SLC14A2: variants seen among roughly 807,000 people sequenced by gnomAD.
SLC14A2 encodes the protein solute carrier family 14 member 2, also known as urea transporter 2.
In SLC14A2, 91 loss-of-function variants were observed where a neutral mutation model predicts 104.6. That is an observed-to-expected ratio of 0.87 (90% CI 0.73 to 1.04). SLC14A2 has a LOEUF of 1.04. Among genes scored for constraint, SLC14A2 ranks in the 50% least tolerant of loss-of-function variants. SLC14A2 has a pLI of 0.00. For missense variants in SLC14A2, 1,189 were observed against 1,156.0 expected (o/e 1.03, Z -0.41); for synonymous variants, 476 against 466.4 (o/e 1.02, Z -0.27).
chr18:45,221,489 A>G (rs1326763340), intron 1 of SLC14A2, among the ~76,000 whole-genome samples: 1 of 152,212 alleles, frequency 6.6e-6, no homozygotes, highest in Non-Finnish European at 1.5e-5. Context: ...TCACTACCAG[A>G]TCAGTCACTG....
At chr18:45,675,671 T>C (rs188625151) in intron 18 of SLC14A2, among the ~76,000 whole-genome samples, 1 of 142,712 alleles carries the variant, frequency 7.0e-6, no homozygotes, top group African/African-American at 2.7e-5. Context: ...TGCACCACCA[T>C]GCCCAGCTAA....
intron 2 of SLC14A2, among the ~76,000 whole-genome samples, chr18:45,606,449 A>G (rs2044869534): frequency 6.6e-6 from 1 of 152,054 alleles, no homozygotes; most frequent in Non-Finnish European, 1.5e-5. Flanking sequence ...ACTCCGCAAA[A>G]CTGATCTACC....
intron 1 of SLC14A2, among the ~76,000 whole-genome samples, chr18:45,400,826 A>G (rs543245037): frequency 6.6e-6 from 1 of 152,176 alleles, no homozygotes; most frequent in African/African-American, 2.4e-5. Context: ...CTTTTATTCA[A>G]TGGATCATAA....
At chr18:45,640,743 C>T (rs1455110951) in intron 7 of SLC14A2, among the ~76,000 whole-genome samples, 1 of 152,068 alleles carries the variant, frequency 6.6e-6, no homozygotes, top group Non-Finnish European at 1.5e-5. Flanking sequence ...AAATTCTTTC[C>T]CCAGATGTAC....
chr18:45,552,994 A>G (rs1231034986), intron 2 of SLC14A2, among the ~76,000 whole-genome samples: 2 of 152,136 alleles, frequency 1.3e-5, no homozygotes, highest in African/African-American at 2.4e-5. Context: ...GGATAGAAGA[A>G]AGGAGAATGT....
At chr18:45,566,850 C>CT (rs2044273378) in intron 2 of SLC14A2, among the ~76,000 whole-genome samples, 1 of 152,170 alleles carries the variant, frequency 6.6e-6, no homozygotes, top group African/African-American at 2.4e-5. Flanking sequence ...CTGGTGAGGG[C>CT]TAGAAGTCAA....
intron 2 of SLC14A2, among the ~76,000 whole-genome samples, chr18:45,500,540 G>A (rs1250891380): frequency 9.5e-5 from 13 of 137,060 alleles, no homozygotes; most frequent in Admixed American, 1.7e-4. Context: ...TCGCGCCACT[G>A]CACTCCAGCC....
chr18:45,516,001 T>A (rs2043435230), intron 2 of SLC14A2, among the ~76,000 whole-genome samples: 1 of 152,232 alleles, frequency 6.6e-6, no homozygotes, highest in African/African-American at 2.4e-5. Context: ...TTAGTATTAA[T>A]AACTATTTGA....
chr18:45,643,921 C>T (rs997000346), intron 9 of SLC14A2, 65 bp from the exon 10 acceptor site: 1 of 1,435,816 alleles, frequency 7.0e-7, no homozygotes, highest in Non-Finnish European at 9.7e-7. Context: ...CCTTCTCCCC[C>T]AGAGTCCCCA....
At chr18:45,217,179 G>A (rs1391696288) in intron 1 of SLC14A2, among the ~76,000 whole-genome samples, 1 of 149,988 alleles carries the variant, frequency 6.7e-6, no homozygotes, top group African/African-American at 2.4e-5. Context: ...AACCAAATAT[G>A]GAGAACACAT....
At chr18:45,445,043 G>T (rs1225423723) in intron 1 of SLC14A2, among the ~76,000 whole-genome samples, 3 of 151,586 alleles carry the variant, frequency 2.0e-5, no homozygotes, top group African/African-American at 7.3e-5. Context: ...AATGGATGAT[G>T]GGAATCTTGT....
intron 10 of SLC14A2, among the ~76,000 whole-genome samples, chr18:45,652,319 C>A (rs1315147986): frequency 6.6e-6 from 1 of 152,196 alleles, no homozygotes; most frequent in Non-Finnish European, 1.5e-5. Context: ...ACACAGGGAG[C>A]CCTTCTACCC....
At chr18:45,429,046 C>T (rs115677319) in intron 1 of SLC14A2, among the ~76,000 whole-genome samples, 139 of 152,234 alleles carry the variant, frequency 9.1e-4, no homozygotes, top group Middle Eastern at 3.4e-3. Context: ...AAGGGGCCAA[C>T]GGCAGAATTT....
At chr18:45,606,242 C>A (rs1231262381) in intron 2 of SLC14A2, among the ~76,000 whole-genome samples, 1 of 152,164 alleles carries the variant, frequency 6.6e-6, no homozygotes, top group Non-Finnish European at 1.5e-5. Context: ...CCCCTCCTCT[C>A]CCCTGCCCCA....
At chr18:45,655,863 A>G (rs1266311511) in intron 10 of SLC14A2, among the ~76,000 whole-genome samples, 1 of 152,206 alleles carries the variant, frequency 6.6e-6, no homozygotes, top group East Asian at 1.9e-4. Context: ...ATCCATTGAT[A>G]TCATTTGAGA....
chr18:45,682,301 T>G lies in SLC14A2; in HGVS notation c.2563-18T>G, dbSNP rs762114137. The G allele has an allele frequency of 6.2e-7, 1 of 1,612,702 alleles. No homozygotes were observed. Among genetic ancestry groups the G allele is most frequent in the Non-Finnish European group, 8.5e-7 (1 of 1,178,786 alleles). ...GCACCTGATGTGACCAAGGCTTATC[T>G]GTGTTCTTTCTCTCCAGTTTGGATT... On this transcript the variant is annotated intron_variant, in intron 19 of 19. Transcript: ENST00000255226.
the SLC14A2 span, among the ~76,000 whole-genome samples, chr18:45,183,839 A>C: frequency 2.0e-5 from 3 of 147,446 alleles, no homozygotes; most frequent in Non-Finnish European, 4.4e-5. Flanking sequence ...GGGCCAAGCT[A>C]TCCACCTCTC....
At chr18:45,431,715 G>A (rs1038725532) in intron 1 of SLC14A2, among the ~76,000 whole-genome samples, 6 of 152,212 alleles carry the variant, frequency 3.9e-5, no homozygotes, top group Non-Finnish European at 7.3e-5. Flanking sequence ...GAAACAAGCA[G>A]TGCCCACAGG....
chr18:45,324,330 C>G (rs2085213612), intron 1 of SLC14A2, among the ~76,000 whole-genome samples: 2 of 152,162 alleles, frequency 1.3e-5, no homozygotes, highest in Admixed American at 1.3e-4. Flanking sequence ...CAAGTTTCTT[C>G]AATCTTTTTA....
Sources: gnomAD v4.1 joint callset for allele counts (sites outside exome capture counted in the v4.1 genomes callset) on GRCh38, gnomAD v4.1.1 for gene constraint, MANE v1.5 for transcripts, NCBI Gene and HGNC (gene_info 2026-07-23, HGNC 2026-07-21) for gene names.